PRELID3A: variants seen among roughly 807,000 people sequenced by gnomAD.
The protein encoded by PRELID3A is PRELI domain containing protein 3A.
Under a neutral mutation model 23.0 loss-of-function variants are expected in PRELID3A, and 27 were observed. The ratio of observed to expected loss-of-function variants is 1.17; its 90% confidence interval spans 0.87 to 1.62. The LOEUF (loss-of-function observed/expected upper bound fraction) is 1.62, where lower values mean the gene tolerates loss of function less well. Ranked by LOEUF, PRELID3A falls within the 40% of genes most tolerant of loss-of-function variation. The probability of loss-of-function intolerance (pLI) is 0.00; values close to 1 mark genes in which losing one functional copy is unlikely to be tolerated. For missense variants in PRELID3A, 231 were observed against 231.4 expected, an observed-to-expected ratio of 1.00 and a Z score of 0.01; for synonymous variants, 87 against 86.4, an observed-to-expected ratio of 1.01 and a Z score of -0.04.
At position 12,427,023 on chromosome 18, in the gene PRELID3A, C is replaced by A; in HGVS notation, c.292-18C>A. On this transcript the variant is annotated intron_variant, in intron 3 of 6. Transcript: ENST00000440960. ...AATGCAAGAGAAATACAATCTAAAC[C>A]TTTTTTTTCTTTTTAAGATCACACT... 1 of 1,584,320 alleles carries A rather than the reference C, an allele frequency of 6.3e-7. No individual in the cohort carries two copies.
rs1032130130 is a variant in PRELID3A at position 12,411,307 on chromosome 18, A to T, written c.32+3300A>T. The stretch of plus-strand genomic sequence containing the variant: ...CCCTGTCTCTACTAAAAAATAAAAA[A>T]AAAAAAAAATTAGCTGGGCGTGGTG... On this transcript the variant is annotated intron_variant, in intron 1 of 6. Transcript: ENST00000440960. Among the ~76,000 whole-genome samples the T allele has an allele frequency of 1.5e-4, 23 of 151,842 alleles. No individual in the cohort carries two copies. The East Asian group carries it at 1.6e-3, about 10-fold the overall frequency.
intron 6 of PRELID3A, among the ~76,000 whole-genome samples, chr18:12,429,705 A>G (rs540088897): frequency 2.4e-4 from 36 of 152,098 alleles, no homozygotes; most frequent in Non-Finnish European, 4.7e-4. Context: ...CCAGCAAGCC[A>G]CCCTCGGGCT....
chr18:12,420,482 C>G lies in PRELID3A; in HGVS notation c.190C>G (p.Leu64Val). 1 of 1,542,178 alleles carries G rather than the reference C, an allele frequency of 6.5e-7. No homozygotes were observed. Among genetic ancestry groups the G allele is most frequent in the Non-Finnish European group, 8.7e-7 (1 of 1,143,188 alleles). Residue 64 changes from leucine to valine, a missense_variant, in exon 2 of 7, where the codon CTC becomes GTC. Leu to Val is a conservative substitution (Grantham distance 32). Transcript: ENST00000440960. ...CAGCACCGAGTGGGGGCTGCCCAGC[C>G]TCGTGAGAGCGGTGAGCGGGGCGGG... ...LLSTEWGLPSLVRAILGTSRT... is the reference protein window; with the variant it reads ...LLSTEWGLPSVVRAILGTSRT...
At chr18:12,408,234 C>G (rs549659275) in intron 1 of PRELID3A, among the ~76,000 whole-genome samples, 1 of 151,846 alleles carries the variant, frequency 6.6e-6, no homozygotes, top group Non-Finnish European at 1.5e-5. Flanking sequence ...GGCCTCTCCC[C>G]CGGCGTGCGC....
intron 6 of PRELID3A, among the ~76,000 whole-genome samples, chr18:12,429,734 C>T (rs768209861): frequency 5.3e-5 from 8 of 152,210 alleles, no homozygotes; most frequent in African/African-American, 1.7e-4. Flanking sequence ...GAGGTGACCC[C>T]GGTGACTGTG....
rs143503076 is a variant in PRELID3A at position 12,423,879 on chromosome 18, G to A, written c.291+2250G>A. Among the ~76,000 whole-genome samples, 551 of 152,312 alleles carry A rather than the reference G, an allele frequency of 3.6e-3. 2 individuals carry two copies. Among genetic ancestry groups the A allele is most frequent in the South Asian group, 8.3e-3 (40 of 4,834 alleles). Reference sequence around the variant, plus strand: ...TCCCCTGCCCCAACCAGAGGGCCTCGGGAGCTCCTATGAGCTTCTCAGGTG... The same window carrying A: ...TCCCCTGCCCCAACCAGAGGGCCTCAGGAGCTCCTATGAGCTTCTCAGGTG... On this transcript the variant is annotated intron_variant, in intron 3 of 6. Coordinates refer to ENST00000440960, the MANE Select transcript of PRELID3A (RefSeq NM_001142405.2).
intron 3 of PRELID3A, among the ~76,000 whole-genome samples, chr18:12,425,166 AT>A (rs1271266196): frequency 6.6e-6 from 1 of 152,146 alleles, no homozygotes; most frequent in Admixed American, 6.6e-5. Flanking sequence ...ATAAAATAAA[AT>A]TAAAAATTCC....
chr18:12,420,261 T>G (rs2030113657), intron 1 of PRELID3A, 64 bp from the exon 2 acceptor site: 1 of 1,515,908 alleles, frequency 6.6e-7, no homozygotes, highest in South Asian at 1.3e-5. Flanking sequence ...CGGCTTTTCC[T>G]CCCCTTCACC....
chr18:12,409,970 G>T (rs1450054910), intron 1 of PRELID3A, among the ~76,000 whole-genome samples: 2 of 152,128 alleles, frequency 1.3e-5, no homozygotes, highest in African/African-American at 4.8e-5. Flanking sequence ...TCCTGCAGAG[G>T]TGCCCCATGC....
Position 12,420,484 on chromosome 18 carries a change from C to G in PRELID3A, c.192C>G (p.Leu64=). Reference sequence around the variant, plus strand: ...GCACCGAGTGGGGGCTGCCCAGCCTCGTGAGAGCGGTGAGCGGGGCGGGGG... The same window carrying G: ...GCACCGAGTGGGGGCTGCCCAGCCTGGTGAGAGCGGTGAGCGGGGCGGGGG... The part of the protein sequence containing the change: ...LLSTEWGLPS[L]VRAILGTSRT... Residue 64 remains leucine (L), a synonymous_variant, in exon 2 of 7, where the codon CTC becomes CTG. Coordinates refer to ENST00000440960, the MANE Select transcript of PRELID3A (RefSeq NM_001142405.2). 1 of 1,541,248 alleles carries G rather than the reference C, an allele frequency of 6.5e-7. No individual in the cohort carries two copies. The highest frequency in any genetic ancestry group is 8.8e-7 in the Non-Finnish European group (1 of 1,142,642).
intron 1 of PRELID3A, among the ~76,000 whole-genome samples, chr18:12,412,846 TA>T (rs1288314385): frequency 6.6e-6 from 1 of 152,240 alleles, no homozygotes; most frequent in African/African-American, 2.4e-5. Flanking sequence ...AATTTAACAA[TA>T]ATAAACCTGT....
At chr18:12,430,478 G>GGT (rs771076520) in intron 6 of PRELID3A, among the ~76,000 whole-genome samples, 3 of 145,600 alleles carry the variant, frequency 2.1e-5, no homozygotes, top group Non-Finnish European at 4.5e-5. Context: ...GTATATATGT[G>GGT]GTGTGTGTGT....
chr18:12,428,382 C>T (rs1014226505), intron 5 of PRELID3A, among the ~76,000 whole-genome samples: 4 of 152,222 alleles, frequency 2.6e-5, no homozygotes, highest in Non-Finnish European at 5.9e-5. Flanking sequence ...GCCTCACAGG[C>T]TCATGTCTTC....
At chr18:12,420,033 T>C in intron 1 of PRELID3A, 2 of 934,664 alleles carry the variant, frequency 2.1e-6, no homozygotes, top group Non-Finnish European at 2.9e-6. Context: ...GCCTGGGAGG[T>C]TTGAGTCTGC....
intron 6 of PRELID3A, among the ~76,000 whole-genome samples, chr18:12,430,896 G>GGT (rs1159042201): frequency 1.3e-5 from 2 of 150,752 alleles, no homozygotes; most frequent in Non-Finnish European, 3.0e-5. Context: ...GTATGTATGT[G>GGT]GTGTGTGTGC....
rs560031334 is a variant in PRELID3A at position 12,430,635 on chromosome 18, ATG to A, written c.*34-508_*34-507del. 4.7e-4 allele frequency among the ~76,000 whole-genome samples: 65 copies of A among 137,642 alleles called. No individual in the cohort carries two copies. The East Asian group carries it at 8.3e-3, about 17-fold the overall frequency. The allele number at this position is 137,642 out of a possible 152,430, so 90.3% of individuals were successfully genotyped here. ...TGTGCTCTGTGTATGTGATGTGTAT[ATG>A]TGTGTGGTATGTGTCGTGTGTGCAT... On this transcript the variant is annotated intron_variant, in intron 6 of 6. Transcript: ENST00000440960.
chr18:12,422,418 G>T, intron 3 of PRELID3A: 1 of 151,474 alleles, frequency 6.6e-6, no homozygotes, highest in Non-Finnish European at 1.5e-5. Flanking sequence ...GAGTGCAGTG[G>T]CGTGATCTCG....
In PRELID3A at chr18:12,420,506, G is replaced by A. The variant is rs764538374; in HGVS notation, c.201+13G>A. 1 of 1,512,612 alleles carries A rather than the reference G, an allele frequency of 6.6e-7. No individual in the cohort carries two copies. 93.7% of individuals were successfully genotyped at this position (1,512,612 alleles called of 1,614,324 possible). A position where few individuals can be genotyped will look rare whatever the true frequency, so the allele number is the denominator to read the frequency against. On this transcript the variant is annotated intron_variant, in intron 2 of 6. Coordinates refer to ENST00000440960, the MANE Select transcript of PRELID3A (RefSeq NM_001142405.2). ...CCTCGTGAGAGCGGTGAGCGGGGCG[G>A]GGGCTGCGGCTCCGAACGCGCCCGA...
chr18:12,413,819 G>A (rs1234598240), intron 1 of PRELID3A, among the ~76,000 whole-genome samples: 2 of 152,110 alleles, frequency 1.3e-5, no homozygotes, highest in Non-Finnish European at 2.9e-5. Flanking sequence ...CCTAACCTCA[G>A]GTGATCCGCC....
Sources: allele counts gnomAD v4.1 joint callset (sites outside exome capture counted in the v4.1 genomes callset), GRCh38; gene constraint gnomAD v4.1.1; transcripts MANE v1.5; gene names NCBI Gene and HGNC (gene_info 2026-07-23, HGNC 2026-07-21).